Variants in CCDC134 observed in about 807,000 individuals in gnomAD.
CCDC134 encodes coiled-coil domain-containing protein 134.
In CCDC134, 27 loss-of-function variants were observed where a neutral mutation model predicts 25.6. The observed-to-expected ratio is 1.05, with a 90% confidence interval of 0.78 to 1.45. CCDC134 has a LOEUF of 1.45. Among genes scored for constraint, CCDC134 ranks in the 40% most tolerant of loss-of-function variants. The probability of loss-of-function intolerance (pLI) is 0.00; values close to 1 mark genes in which losing one functional copy is unlikely to be tolerated. For synonymous variants in CCDC134, 110 were observed against 115.0 expected (o/e 0.96, Z 0.28); for missense variants, 261 against 286.7 (o/e 0.91, Z 0.65).
In CCDC134 at chr22:41,825,833, AGCTCAGG is replaced by A. The variant is rs2076675217; in HGVS notation, c.*19_*25del. 6.2e-7 allele frequency: 1 copy of A among 1,613,760 alleles called. No homozygotes were observed. Among genetic ancestry groups the A allele is most frequent in the African/African-American group, 1.3e-5 (1 of 75,026 alleles). ...CCAGTCTGAGTTATAGCCCTGGAGC[AGCTCAGG>A]GCTCAGGGGGCCACAAGGAGGCAGG... On this transcript the variant is annotated 3_prime_UTR_variant, in exon 7 of 7. Coordinates refer to ENST00000255784, the MANE Select transcript of CCDC134 (RefSeq NM_024821.5). The surrounding 1 kb of genome is among the most constrained non-coding windows in gnomAD (Gnocchi z 4.4).
In CCDC134 at chr22:41,810,048, A is replaced by AG. The variant is rs1409740527; in HGVS notation, c.225+50dup. 8.7e-6 allele frequency: 14 copies of AG among 1,610,762 alleles called. No homozygotes were observed. In the African/African-American group the frequency reaches 1.2e-4, roughly 14 times the overall value. On this transcript the variant is annotated intron_variant, in intron 3 of 6. Transcript: ENST00000255784. Reference sequence around the variant, plus strand: ...TCATGGCAGGTCCAGTCTTTGATCTAGGCACTGATGGGTAAACAGGAGTTC... The same window carrying AG: ...TCATGGCAGGTCCAGTCTTTGATCTAGGGCACTGATGGGTAAACAGGAGTTC...
intron 4 of CCDC134, 140 bp from the exon 5 acceptor site, chr22:41,813,124 G>T (rs1000243786): frequency 2.6e-6 from 2 of 776,766 alleles, no homozygotes; most frequent in Non-Finnish European, 4.2e-6. Context: ...CATGTGATTG[G>T]CAGCCTGTGG....
intron 1 of CCDC134, among the ~76,000 whole-genome samples, chr22:41,802,143 C>T (rs1196097498): frequency 2.0e-5 from 3 of 149,724 alleles, no homozygotes; most frequent in East Asian, 4.1e-4. Context: ...CAACCTTCCT[C>T]GGTTTTATTT....
At chr22:41,811,419 CA>C (rs1306616938) in intron 4 of CCDC134, among the ~76,000 whole-genome samples, 12 of 152,148 alleles carry the variant, frequency 7.9e-5, no homozygotes, top group African/African-American at 2.7e-4. Context: ...AATGCTTGTA[CA>C]GAAACTATTC....
chr22:41,806,754 A>G (rs756421336), intron 1 of CCDC134, among the ~76,000 whole-genome samples: 5 of 152,158 alleles, frequency 3.3e-5, no homozygotes, highest in Non-Finnish European at 7.4e-5. Flanking sequence ...TGTAAACAAG[A>G]AAACTAGTAC....
At chr22:41,805,372 C>T (rs547947311) in intron 1 of CCDC134, among the ~76,000 whole-genome samples, 3 of 152,008 alleles carry the variant, frequency 2.0e-5, no homozygotes, top group Non-Finnish European at 1.5e-5. Flanking sequence ...GTCAAGGCTA[C>T]AGTGAGCCAT....
At position 41,830,316 on chromosome 22, in the gene CCDC134, G is replaced by A. The variant is rs561432840; in HGVS notation, c.*4493G>A. On this transcript the variant is annotated 3_prime_UTR_variant, in exon 7 of 7. Coordinates refer to ENST00000255784, the MANE Select transcript of CCDC134 (RefSeq NM_024821.5). ...GTTGTACCCCTTCAGTCCACTTGGC[G>A]AGGCATCACGCCCTCTGGGCAGGCT... 2.0e-5 allele frequency among the ~76,000 whole-genome samples: 3 copies of A among 152,242 alleles called. No homozygotes were observed. Among genetic ancestry groups the A allele is most frequent in the African/African-American group, 7.2e-5 (3 of 41,458 alleles).
At chr22:41,815,204 CTTT>C (rs869174312) in intron 6 of CCDC134, among the ~76,000 whole-genome samples, 2 of 122,126 alleles carry the variant, frequency 1.6e-5, no homozygotes, top group Non-Finnish European at 1.7e-5. Flanking sequence ...CTTTTCTTTT[CTTT>C]TTTTTTTTTT....
At chr22:41,804,530 C>T (rs1314199022) in intron 1 of CCDC134, among the ~76,000 whole-genome samples, 1 of 152,138 alleles carries the variant, frequency 6.6e-6, no homozygotes, top group African/African-American at 2.4e-5. Flanking sequence ...ACAAAATTTT[C>T]TCTTTACAGT....
rs554917239 is a variant in CCDC134 at position 41,830,397 on chromosome 22, G to A, written c.*4574G>A. 2.0e-4 allele frequency among the ~76,000 whole-genome samples: 30 copies of A among 152,346 alleles called. No individual in the cohort carries two copies. The South Asian group carries it at 6.2e-3, about 32-fold the overall frequency. ...TGCCACCTCTGGAGGGGGTCACTGA[G>A]GTTCTGGGTTGTGGGGGGTGCCCTG... On this transcript the variant is annotated 3_prime_UTR_variant, in exon 7 of 7. Transcript: ENST00000255784.
chr22:41,810,925 A>G (rs1432001536), intron 4 of CCDC134, among the ~76,000 whole-genome samples: 1 of 152,170 alleles, frequency 6.6e-6, no homozygotes, highest in Non-Finnish European at 1.5e-5. Context: ...TCTACTTTCT[A>G]TATGAAAGAG....
At chr22:41,806,454 T>C (rs2148305146) in intron 1 of CCDC134, among the ~76,000 whole-genome samples, 1 of 151,976 alleles carries the variant, frequency 6.6e-6, no homozygotes, top group African/African-American at 2.4e-5. Flanking sequence ...TCTCCTGACC[T>C]TGTGATCCGC....
In CCDC134 at chr22:41,826,853, T is replaced by C. The variant is rs1479956894; in HGVS notation, c.*1030T>C. 1.3e-5 allele frequency among the ~76,000 whole-genome samples: 2 copies of C among 152,222 alleles called. No individual in the cohort carries two copies. The highest frequency in any genetic ancestry group is 3.9e-4 in the East Asian group (2 of 5,188). ...AGGGCTTTAGTGAGAATTCTAGCTC[T>C]GCCTCTTTGACCTTGCCAAGTCAGG... is the stretch of plus-strand genomic sequence containing the variant. On this transcript the variant is annotated 3_prime_UTR_variant, in exon 7 of 7. Transcript: ENST00000255784.
At chr22:41,809,128 C>G (rs1569354277) in intron 2 of CCDC134, 135 bp downstream of exon 2, 1 of 671,394 alleles carries the variant, frequency 1.5e-6, no homozygotes, top group South Asian at 1.9e-5. Flanking sequence ...CTAGCCAGAC[C>G]TTGAGCAAGT....
intron 1 of CCDC134, among the ~76,000 whole-genome samples, chr22:41,808,142 A>G (rs1006287340): frequency 6.6e-6 from 1 of 152,002 alleles, no homozygotes; most frequent in African/African-American, 2.4e-5. Context: ...CCTGAGCAAC[A>G]AGAGTGAAAC....
Position 41,822,837 on chromosome 22 carries a change from G to C in CCDC134, c.565-2861G>C, listed in dbSNP as rs2076658715. On this transcript the variant is annotated intron_variant, in intron 6 of 6. Coordinates refer to ENST00000255784, the MANE Select transcript of CCDC134 (RefSeq NM_024821.5). ...CAGCCTGCAAGGCTAGTCCTAGTTGGGCCTACCACATGCTATGTGACTCAC... is the reference window on the plus strand; with the variant it reads ...CAGCCTGCAAGGCTAGTCCTAGTTGCGCCTACCACATGCTATGTGACTCAC... Among the ~76,000 whole-genome samples the C allele has an allele frequency of 1.3e-5, 2 of 152,164 alleles. 1 individual carries two copies.
Position 41,825,867 on chromosome 22 carries a change from C to T in CCDC134, c.*44C>T, listed in dbSNP as rs371433897. ...CTCAGGGGGCCACAAGGAGGCAGGT[C>T]GGGAGGAAGAAGAGGTGGAGGTGTG... On this transcript the variant is annotated 3_prime_UTR_variant, in exon 7 of 7. Coordinates refer to ENST00000255784, the MANE Select transcript of CCDC134 (RefSeq NM_024821.5). The surrounding 1 kb of genome is among the most constrained non-coding windows in gnomAD (Gnocchi z 4.4). 1.3e-4 allele frequency: 217 copies of T among 1,607,582 alleles called. No homozygotes were observed. Among genetic ancestry groups the T allele is most frequent in the Non-Finnish European group, 1.7e-4 (200 of 1,176,306 alleles).
chr22:41,820,402 C>T (rs887036390), intron 6 of CCDC134, among the ~76,000 whole-genome samples: 5 of 152,086 alleles, frequency 3.3e-5, no homozygotes, highest in Non-Finnish European at 7.3e-5. Context: ...CAGATTCAAG[C>T]GATTCTCCTG....
intron 6 of CCDC134, among the ~76,000 whole-genome samples, chr22:41,816,466 A>G (rs969282810): frequency 6.6e-6 from 1 of 152,200 alleles, no homozygotes; most frequent in Non-Finnish European, 1.5e-5. Flanking sequence ...GAGTTTTCCT[A>G]TCATGTGGAT....
Sources: gnomAD v4.1 joint callset for allele counts (sites outside exome capture counted in the v4.1 genomes callset) on GRCh38, gnomAD v4.1.1 for gene constraint, Gnocchi (gnomAD v3.1) non-coding constraint, MANE v1.5 for transcripts, NCBI Gene and HGNC (gene_info 2026-07-23, HGNC 2026-07-21) for gene names.